Variants in CCDC149 observed in about 807,000 individuals in gnomAD.
The protein encoded by CCDC149 is coiled-coil domain-containing protein 149.
A neutral mutation model predicts 59.9 loss-of-function variants in CCDC149; 45 were observed. The ratio of observed to expected loss-of-function variants is 0.75; its 90% confidence interval spans 0.59 to 0.96. The LOEUF is 0.96. CCDC149 is among the 40% of genes least tolerant of loss of function. The probability of loss-of-function intolerance (pLI) is 0.00; values close to 1 mark genes in which losing one functional copy is unlikely to be tolerated. For synonymous variants in CCDC149, 245 were observed against 260.6 expected (o/e 0.94, Z 0.58); for missense variants, 584 against 664.7 (o/e 0.88, Z 1.33).
intron 1 of CCDC149, among the ~76,000 whole-genome samples, chr4:24,942,410 G>A (rs1722980597): frequency 6.6e-6 from 1 of 152,104 alleles, no homozygotes; most frequent in Non-Finnish European, 1.5e-5. Context: ...AATAATAAGA[G>A]CTATCTATGA....
chr4:24,939,796 C>T (rs1038116321), intron 1 of CCDC149, among the ~76,000 whole-genome samples: 2 of 151,592 alleles, frequency 1.3e-5, no homozygotes, highest in African/African-American at 4.9e-5. Context: ...AGGGTATCAG[C>T]GATGGAAGAT....
intron 1 of CCDC149, among the ~76,000 whole-genome samples, chr4:24,898,201 C>T (rs886875989): frequency 6.6e-6 from 1 of 152,202 alleles, no homozygotes; most frequent in Admixed American, 6.5e-5. Context: ...AGGATAGGAG[C>T]ATCGCCTCAC....
rs75351733 is a variant in CCDC149, at chr4:24,912,989, G to A, written c.-110C>T. ...CGAGAGGGCCCGGCGCCTCCGAGCCGCTGCGCCGCCGCCTCTCGCGGCCGC... is the reference window on the plus strand; with the variant it reads ...CGAGAGGGCCCGGCGCCTCCGAGCCACTGCGCCGCCGCCTCTCGCGGCCGC... On this transcript the variant is annotated 5_prime_UTR_variant, in exon 1 of 13. Coordinates refer to ENST00000635206, the MANE Select transcript of CCDC149 (RefSeq NM_001330643.2). 55,607 of 331,428 alleles carry A rather than the reference G, an allele frequency of 0.17. 5,330 individuals are homozygous for A. Among genetic ancestry groups the A allele is most frequent in the African/African-American group, 0.27 (11,928 of 44,558 alleles). 20.5% of individuals were successfully genotyped at this position (331,428 alleles called of 1,614,324 possible). A position where few individuals can be genotyped will look rare whatever the true frequency, so the allele number is the denominator to read the frequency against.
chr4:24,967,859 G>T (rs990562419), intron 1 of CCDC149, among the ~76,000 whole-genome samples: 3 of 152,046 alleles, frequency 2.0e-5, no homozygotes, highest in African/African-American at 7.2e-5. Context: ...ATTCTTGGGA[G>T]TTACTTGGTC....
intron 1 of CCDC149, among the ~76,000 whole-genome samples, chr4:24,883,916 T>C (rs1418923480): frequency 6.6e-6 from 1 of 152,180 alleles, no homozygotes; most frequent in Admixed American, 6.5e-5. Context: ...GAACTTTCCA[T>C]TACACATTCC....
chr4:24,961,429 T>A (rs1476384916), intron 1 of CCDC149, among the ~76,000 whole-genome samples: 7 of 152,184 alleles, frequency 4.6e-5, no homozygotes, highest in Non-Finnish European at 1.0e-4. Flanking sequence ...AAGCTACCAA[T>A]GACTTTCTTC....
intron 3 of CCDC149, among the ~76,000 whole-genome samples, chr4:24,854,443 G>T (rs113056551): frequency 5.4e-4 from 82 of 152,284 alleles, no homozygotes; most frequent in African/African-American, 1.9e-3. Context: ...AGGGAAGGAA[G>T]CAAGTAAGCA....
intron 12 of CCDC149, among the ~76,000 whole-genome samples, chr4:24,813,315 T>C (rs979933811): frequency 6.6e-6 from 1 of 151,888 alleles, no homozygotes; most frequent in African/African-American, 2.4e-5. Context: ...CTGCTTCTTG[T>C]TGAAAACACT....
In CCDC149 at chr4:24,903,024, CAAAAAAAAAA is replaced by C. The variant is rs10646050; in HGVS notation, c.63+9783_63+9792del. Among the ~76,000 whole-genome samples, 18 of 52,502 alleles carry C rather than the reference CAAAAAAAAAA, an allele frequency of 3.4e-4. No homozygotes were observed. In the East Asian group the frequency reaches 7.9e-3, roughly 23 times the overall value. The allele number at this position is 52,502 out of a possible 152,430, so 34.4% of individuals were successfully genotyped here. A position where few individuals can be genotyped will look rare whatever the true frequency, so the allele number is the denominator to read the frequency against. On this transcript the variant is annotated intron_variant, in intron 1 of 12. Coordinates refer to ENST00000635206, the MANE Select transcript of CCDC149 (RefSeq NM_001330643.2). ...TGGGCAACAGAGTGAGAGTCTAACTCAAAAAAAAAAAAAAAAAAAAAAAGAGTATTTTAAA... is the reference window on the plus strand; with the variant it reads ...TGGGCAACAGAGTGAGAGTCTAACTCAAAAAAAAAAAAAGAGTATTTTAAA...
intron 4 of CCDC149, among the ~76,000 whole-genome samples, chr4:24,842,812 T>C (rs149865244): frequency 6.6e-6 from 1 of 152,214 alleles, no homozygotes; most frequent in African/African-American, 2.4e-5. Context: ...CTTCTTAGCC[T>C]TCGTCTCTCA....
intron 12 of CCDC149, among the ~76,000 whole-genome samples, chr4:24,812,779 G>A (rs1024078907): frequency 3.3e-5 from 5 of 152,222 alleles, no homozygotes; most frequent in African/African-American, 1.2e-4. Context: ...CATCTTATAT[G>A]GCAGCAGGCA....
chr4:24,823,336 G>A (rs980464356), intron 9 of CCDC149, among the ~76,000 whole-genome samples: 3 of 152,082 alleles, frequency 2.0e-5, no homozygotes, highest in Non-Finnish European at 2.9e-5. Context: ...CTGTTTACTT[G>A]GAAGCCAAAC....
chr4:24,866,823 C>CA (rs1718727201), intron 3 of CCDC149, among the ~76,000 whole-genome samples: 5 of 142,180 alleles, frequency 3.5e-5, no homozygotes, highest in East Asian at 2.1e-4. Context: ...ACACACACAC[C>CA]CACACACACA....
chr4:24,931,310 A>AATATAT (rs71187200), intron 1 of CCDC149, among the ~76,000 whole-genome samples: 6,975 of 138,140 alleles, frequency 0.05, 227 homozygotes, highest in Admixed American at 0.11. Flanking sequence ...TTTATTTTAA[A>AATATAT]ATATATATAT....
At position 24,965,433 on chromosome 4, in the gene CCDC149, A is replaced by T. The variant is rs567570464; in HGVS notation, c.-65+14636T>A. 2.0e-5 allele frequency among the ~76,000 whole-genome samples: 3 copies of T among 151,988 alleles called. No individual in the cohort carries two copies. The South Asian group carries it at 6.2e-4, about 32-fold the overall frequency. On this transcript the variant is annotated intron_variant, in intron 1 of 12. Coordinates refer to the CCDC149 transcript ENST00000389609. ...AAAAATCTATAAAAAGATTCAAGTC[A>T]TGCCAAATATGTTCTCTGACCACAG...
At chr4:24,873,534 T>C (rs1719191065) in intron 3 of CCDC149, 147 bp downstream of exon 3, 1 of 680,302 alleles carries the variant, frequency 1.5e-6, no homozygotes, top group Non-Finnish European at 2.6e-6. Context: ...GAATTTCTCT[T>C]TGCAGTTGGA....
intron 4 of CCDC149, among the ~76,000 whole-genome samples, chr4:24,852,175 T>C (rs1471704633): frequency 1.3e-5 from 2 of 151,864 alleles, no homozygotes; most frequent in African/African-American, 4.8e-5. Flanking sequence ...TCATAATGGC[T>C]CCTTCTAATA....
At chr4:24,838,335 C>G in intron 4 of CCDC149, 63 bp from the exon 5 acceptor site, 1 of 1,209,326 alleles carries the variant, frequency 8.3e-7, no homozygotes, top group Non-Finnish European at 1.2e-6. Flanking sequence ...AAATAAAAAC[C>G]AAAGGACACT....
chr4:24,887,791 G>C (rs79167135), intron 1 of CCDC149, among the ~76,000 whole-genome samples: 3,140 of 148,020 alleles, frequency 0.021, 116 homozygotes, highest in African/African-American at 0.074. Context: ...GTAAATTAGG[G>C]CTTGCCACTC....
Sources: gnomAD v4.1 joint callset for allele counts (sites outside exome capture counted in the v4.1 genomes callset) on GRCh38, gnomAD v4.1.1 for gene constraint, MANE v1.5 for transcripts, NCBI Gene and HGNC (gene_info 2026-07-23, HGNC 2026-07-21) for gene names.